EYS: variants seen among roughly 807,000 people sequenced by gnomAD.
EYS encodes EGF-like photoreceptor maintenance factor.
A neutral mutation model predicts 282.1 loss-of-function variants in EYS; 250 were observed. The ratio of observed to expected loss-of-function variants is 0.89; its 90% CI spans 0.80 to 0.98. The LOEUF (loss-of-function observed/expected upper bound fraction) is 0.98. Among genes scored for constraint, EYS ranks in the 50% least tolerant of loss-of-function variants. EYS has a pLI of 0.00. For missense variants in EYS, 4,016 were observed against 3,709.0 expected (o/e 1.08, Z -2.15); for synonymous variants, 1,355 against 1,282.9 (o/e 1.06, Z -1.20).
At chr6:64,874,891 G>A (rs1241003665) in intron 19 of EYS, among the ~76,000 whole-genome samples, 1 of 152,014 alleles carries the variant, frequency 6.6e-6, no homozygotes, top group Non-Finnish European at 1.5e-5. Flanking sequence ...CTCAAAGGGA[G>A]CAAAGACTTG....
rs1252921764 is a variant in EYS, at chr6:65,432,178, A to G, written c.863-26811T>C. ...AGTAAGGGTAAAGATTAATCTTTTCATAAGTCAGGATTGCAATAGCTGTTT... is the reference window on the plus strand; with the variant it reads ...AGTAAGGGTAAAGATTAATCTTTTCGTAAGTCAGGATTGCAATAGCTGTTT... On this transcript the variant is annotated intron_variant, in intron 5 of 42. Transcript: ENST00000503581. 1.3e-5 allele frequency among the ~76,000 whole-genome samples: 2 copies of G among 152,194 alleles called. 1 individual carries two copies. The highest frequency in any genetic ancestry group is 2.9e-5 in the Non-Finnish European group (2 of 68,018).
Position 65,465,408 on chromosome 6 carries a change from T to A in EYS, c.862+25186A>T, listed in dbSNP as rs1054129372. 3.3e-5 allele frequency among the ~76,000 whole-genome samples: 5 copies of A among 151,826 alleles called. 1 individual carries two copies. In the South Asian group the frequency reaches 1.0e-3, roughly 31 times the overall value. On this transcript the variant is annotated intron_variant, in intron 5 of 42. Transcript: ENST00000503581. ...GGGAAAATCACTTGAATCCAGGAGGTCCAGGTGGCAGTGAGCCACGATTGT... is the reference window on the plus strand; with the variant it reads ...GGGAAAATCACTTGAATCCAGGAGGACCAGGTGGCAGTGAGCCACGATTGT...
chr6:65,612,705 GTTTTC>G (rs952053664), intron 2 of EYS, among the ~76,000 whole-genome samples: 39 of 151,368 alleles, frequency 2.6e-4, no homozygotes, highest in African/African-American at 7.0e-4. Flanking sequence ...AATCATAGAA[GTTTTC>G]TTTTCATATA....
intron 11 of EYS, chr6:65,329,541 A>G (rs1769719755): frequency 1.0e-6 from 1 of 983,152 alleles, no homozygotes; most frequent in Non-Finnish European, 1.2e-6. Context: ...AATACATTCA[A>G]TATGACACTT....
chr6:65,275,940 T>A (rs1768033964), intron 12 of EYS, among the ~76,000 whole-genome samples: 1 of 152,100 alleles, frequency 6.6e-6, no homozygotes, highest in Non-Finnish European at 1.5e-5. Flanking sequence ...ACCAAATACC[T>A]TATCACCATC....
chr6:64,784,189 T>C (rs2149995772), intron 22 of EYS, among the ~76,000 whole-genome samples: 1 of 152,106 alleles, frequency 6.6e-6, no homozygotes, highest in East Asian at 1.9e-4. Context: ...TGAATTATCT[T>C]TCTTTTCTTT....
At chr6:64,011,465 T>C (rs1340610547) in intron 33 of EYS, among the ~76,000 whole-genome samples, 3 of 152,226 alleles carry the variant, frequency 2.0e-5, no homozygotes, top group East Asian at 1.9e-4. Flanking sequence ...TCTTTAAATT[T>C]GGAAGGACTA....
intron 29 of EYS, among the ~76,000 whole-genome samples, chr6:64,350,359 C>T (rs191501280): frequency 4.3e-4 from 65 of 151,634 alleles, no homozygotes; most frequent in Admixed American, 2.8e-3. Flanking sequence ...TACCTAATTC[C>T]GAATGTTAAA....
chr6:65,113,556 G>C (rs1423046130), intron 12 of EYS, among the ~76,000 whole-genome samples: 1 of 151,958 alleles, frequency 6.6e-6, no homozygotes, highest in Non-Finnish European at 1.5e-5. Context: ...GTATCTTCTA[G>C]CTGTATTCAA....
chr6:65,417,834 C>T (rs1245907231), intron 5 of EYS, among the ~76,000 whole-genome samples: 5 of 151,966 alleles, frequency 3.3e-5, no homozygotes, highest in African/African-American at 4.8e-5. Flanking sequence ...TCGTCAGAAA[C>T]TTCGAGGAAT....
chr6:65,526,074 C>T (rs780899384), intron 2 of EYS, among the ~76,000 whole-genome samples: 3 of 152,068 alleles, frequency 2.0e-5, no homozygotes, highest in East Asian at 1.9e-4. Flanking sequence ...TGGTGAGAGC[C>T]GTGTCCTAAC....
At chr6:65,095,081 A>AC (rs1415732968) in intron 12 of EYS, among the ~76,000 whole-genome samples, 2 of 151,306 alleles carry the variant, frequency 1.3e-5, no homozygotes, top group Non-Finnish European at 3.0e-5. Context: ...AGATTGGATA[A>AC]CCTAAAAGAA....
intron 22 of EYS, among the ~76,000 whole-genome samples, chr6:64,700,298 A>G (rs1770735742): frequency 6.6e-6 from 1 of 152,036 alleles, no homozygotes; most frequent in African/African-American, 2.4e-5. Context: ...AGAAAAAGTT[A>G]AAGAATTTAT....
At chr6:65,366,803 C>T (rs1037196601) in intron 8 of EYS, among the ~76,000 whole-genome samples, 1 of 151,602 alleles carries the variant, frequency 6.6e-6, no homozygotes, top group African/African-American at 2.4e-5. Flanking sequence ...AGGGGGAAAT[C>T]TGTTTCTTTA....
chr6:65,141,663 C>A (rs1328829689), intron 12 of EYS, among the ~76,000 whole-genome samples: 1 of 84,108 alleles, frequency 1.2e-5, no homozygotes, highest in African/African-American at 5.7e-5. Context: ...ATCTATCTAT[C>A]TATCTATCTA....
intron 28 of EYS, among the ~76,000 whole-genome samples, chr6:64,403,043 A>G (rs948346796): frequency 6.6e-6 from 1 of 152,180 alleles, no homozygotes; most frequent in African/African-American, 2.4e-5. Flanking sequence ...ACAATACTCA[A>G]TAATAAAATA....
intron 5 of EYS, among the ~76,000 whole-genome samples, chr6:65,415,060 T>C (rs1004238854): frequency 6.6e-6 from 1 of 152,124 alleles, no homozygotes; most frequent in African/African-American, 2.4e-5. Flanking sequence ...ATACTGCAAA[T>C]GGTTTATAAA....
chr6:63,928,168 A>G (rs116623772), intron 35 of EYS, among the ~76,000 whole-genome samples: 2 of 152,356 alleles, frequency 1.3e-5, no homozygotes, highest in Non-Finnish European at 2.9e-5. Flanking sequence ...AGTGCTAGAC[A>G]ACACTGGCTT....
chr6:64,631,825 A>G (rs1246649365), intron 22 of EYS: 3 of 152,078 alleles, frequency 2.0e-5, no homozygotes, highest in Non-Finnish European at 1.5e-5. Flanking sequence ...CCCACAATCT[A>G]TTCTATTCAG....
Sources: gnomAD v4.1 joint callset for allele counts (sites outside exome capture counted in the v4.1 genomes callset) on GRCh38, gnomAD v4.1.1 for gene constraint, MANE v1.5 for transcripts, NCBI Gene and HGNC (gene_info 2026-07-23, HGNC 2026-07-21) for gene names.